DTHD1: variants seen among roughly 807,000 people sequenced by gnomAD.
The protein encoded by DTHD1 is death domain containing 1.
In DTHD1, 59 loss-of-function variants were observed where a neutral mutation model predicts 74.8. That is an observed-to-expected ratio of 0.79 (90% CI 0.64 to 0.98). The LOEUF (loss-of-function observed/expected upper bound fraction) is 0.98, where lower values mean the gene tolerates loss of function less well. Among genes scored for constraint, DTHD1 ranks in the 50% least tolerant of loss-of-function variants. The pLI is 0.00. For synonymous variants in DTHD1, 365 were observed against 371.1 expected, an observed-to-expected ratio of 0.98 and a Z score of 0.19; for missense variants, 1,051 against 1,065.4, an observed-to-expected ratio of 0.99 and a Z score of 0.19.
At chr4:36,302,346 C>T (rs1756827575) in intron 5 of DTHD1, among the ~76,000 whole-genome samples, 1 of 152,112 alleles carries the variant, frequency 6.6e-6, no homozygotes, top group Non-Finnish European at 1.5e-5. Flanking sequence ...ATACTTGTAA[C>T]TGTGACACCT....
intron 2 of DTHD1, among the ~76,000 whole-genome samples, chr4:36,286,777 C>T (rs572238360): frequency 4.6e-5 from 7 of 152,040 alleles, no homozygotes; most frequent in South Asian, 2.1e-4. Flanking sequence ...TGTTACTATA[C>T]GGAATACTTT....
intron 2 of DTHD1, among the ~76,000 whole-genome samples, chr4:36,289,950 C>A (rs760479892): frequency 1.3e-5 from 2 of 151,812 alleles, no homozygotes; most frequent in Non-Finnish European, 2.9e-5. Context: ...TATGTTTACT[C>A]CCTCTCCTCA....
intron 8 of DTHD1, among the ~76,000 whole-genome samples, chr4:36,322,228 G>A (rs866931813): frequency 3.9e-5 from 6 of 152,090 alleles, no homozygotes; most frequent in Middle Eastern, 3.4e-3. Context: ...CTGTGAAGAC[G>A]GGGAACATTT....
chr4:36,300,670 T>G (rs1179839241), intron 5 of DTHD1, among the ~76,000 whole-genome samples: 1 of 152,226 alleles, frequency 6.6e-6, no homozygotes, highest in Non-Finnish European at 1.5e-5. Context: ...ATTCTGGAAT[T>G]TGTGTATTAA....
intron 5 of DTHD1, among the ~76,000 whole-genome samples, chr4:36,300,385 A>C (rs1756688876): frequency 6.6e-6 from 1 of 152,136 alleles, no homozygotes. Flanking sequence ...TGTTCTGCTC[A>C]CTTGATTATT....
chr4:36,282,957 A>G (rs1755484245), intron 1 of DTHD1, among the ~76,000 whole-genome samples: 1 of 152,230 alleles, frequency 6.6e-6, no homozygotes, highest in African/African-American at 2.4e-5. Context: ...CTTGGTTACC[A>G]GAATAGGAGT....
chr4:36,336,635 A>C (rs1457634959), intron 8 of DTHD1, among the ~76,000 whole-genome samples: 3 of 152,020 alleles, frequency 2.0e-5, no homozygotes, highest in Admixed American at 2.0e-4. Context: ...AACTCCCCCT[A>C]ATAGGGAGGA....
At position 36,293,704 on chromosome 4, in the gene DTHD1, A is replaced by G; in HGVS notation, c.1397A>G (p.Lys466Arg). The G allele has an allele frequency of 6.7e-7, 1 of 1,500,258 alleles. No homozygotes were observed. Among genetic ancestry groups the G allele is most frequent in the Middle Eastern group, 1.7e-4 (1 of 5,790 alleles). The allele number at this position is 1,500,258 out of a possible 1,614,324, so 92.9% of individuals were successfully genotyped here. ...VFTSPVLVQL[K>R]IQPVDPALVA... ...ACCTCTCCAGTGCTGGTGCAGTTAA[A>G]GGTAAACATATTAAAAATAGGTGAG... Residue 466 changes from lysine to arginine, a missense_variant and splice_region_variant, in exon 4 of 10, where the codon AAG becomes AGG. Coordinates refer to ENST00000639862, the MANE Select transcript of DTHD1 (RefSeq NM_001170700.3).
At chr4:36,286,881 ACCACC>A (rs1755745986) in intron 2 of DTHD1, among the ~76,000 whole-genome samples, 1 of 152,148 alleles carries the variant, frequency 6.6e-6, no homozygotes, top group Admixed American at 6.5e-5. Context: ...AATTTTTAAG[ACCACC>A]ATTATATGTG....
Position 36,308,409 on chromosome 4 carries a change from G to A in DTHD1, c.2011G>A (p.Gly671Arg), listed in dbSNP as rs1355649495. 2 of 1,551,878 alleles carry A rather than the reference G, an allele frequency of 1.3e-6. No individual in the cohort carries two copies. Among genetic ancestry groups the A allele is most frequent in the Middle Eastern group, 1.7e-4 (1 of 5,994 alleles). The change falls in exon 7 of 10, where the codon GGA becomes AGA. Residue 671 changes from glycine (G) to arginine (R), a missense_variant. Transcript: ENST00000639862. ...GGACCTGCACTTGGAAGGGTTTGGA[G>A]GACCTCCAGAGCCATCTCGTCATTT... is the stretch of plus-strand genomic sequence containing the variant. ...LKDLHLEGFG[G>R]PPEPSRHFQV...
At chr4:36,304,623 C>T (rs1156596971) in intron 5 of DTHD1, among the ~76,000 whole-genome samples, 1 of 152,168 alleles carries the variant, frequency 6.6e-6, no homozygotes, top group Non-Finnish European at 1.5e-5. Context: ...GGCTTTGTCT[C>T]TTTGTGGAGT....
At chr4:36,314,747 GTTTTTTTT>G (rs747523259) in intron 7 of DTHD1, among the ~76,000 whole-genome samples, 17 of 98,010 alleles carry the variant, frequency 1.7e-4, no homozygotes, top group South Asian at 1.5e-3. Flanking sequence ...AACAATCTGA[GTTTTTTTT>G]TTTTTTTTTT....
chr4:36,342,714 A>G (rs1759385968), intron 9 of DTHD1, among the ~76,000 whole-genome samples: 1 of 151,856 alleles, frequency 6.6e-6, no homozygotes, highest in Non-Finnish European at 1.5e-5. Context: ...AGCTGCTGGT[A>G]TAATTTATGC....
chr4:36,287,657 G>GT (rs1258504531), intron 2 of DTHD1, among the ~76,000 whole-genome samples: 1 of 152,048 alleles, frequency 6.6e-6, no homozygotes, highest in Non-Finnish European at 1.5e-5. Flanking sequence ...TTGTTTGTTT[G>GT]TTTTTTGATT....
chr4:36,307,569 T>G (rs1757132814), intron 6 of DTHD1, among the ~76,000 whole-genome samples: 1 of 152,200 alleles, frequency 6.6e-6, no homozygotes, highest in African/African-American at 2.4e-5. Context: ...TGAATGTGTA[T>G]GTGTGTGGGG....
chr4:36,328,684 T>A (rs59472234), intron 8 of DTHD1, among the ~76,000 whole-genome samples: 10,233 of 152,258 alleles, frequency 0.067, 644 homozygotes, highest in Admixed American at 0.21. Flanking sequence ...TCATTTTATG[T>A]GTAAAGACTT....
At chr4:36,302,087 G>A (rs1369011070) in intron 5 of DTHD1, among the ~76,000 whole-genome samples, 2 of 152,186 alleles carry the variant, frequency 1.3e-5, no homozygotes, top group African/African-American at 4.8e-5. Flanking sequence ...CTCAAGCTCA[G>A]GGTGGAATAA....
At chr4:36,318,602 T>TTTTTC (rs1429596900) in intron 8 of DTHD1, among the ~76,000 whole-genome samples, 3 of 144,348 alleles carry the variant, frequency 2.1e-5, no homozygotes, top group Non-Finnish European at 3.0e-5. Context: ...GTGCATTTTC[T>TTTTTC]TTTTCTTTTC....
intron 5 of DTHD1, among the ~76,000 whole-genome samples, chr4:36,303,422 T>G (rs1332988728): frequency 6.6e-6 from 1 of 152,206 alleles, no homozygotes; most frequent in Non-Finnish European, 1.5e-5. Flanking sequence ...AAAAAGAATT[T>G]TTGATATATG....
Sources: allele counts gnomAD v4.1 joint callset (sites outside exome capture counted in the v4.1 genomes callset), GRCh38; gene constraint gnomAD v4.1.1; transcripts MANE v1.5; gene names NCBI Gene and HGNC (gene_info 2026-07-23, HGNC 2026-07-21).